The following WIPF2 variants were observed in gnomAD, a reference collection of about 807,000 sequenced individuals.
WIPF2 encodes the protein WAS/WASL-interacting protein family member 2.
WIPF2 carries 23 observed loss-of-function variants against 38.8 expected under a neutral mutation model. That is an observed-to-expected ratio of 0.59 (90% CI 0.43 to 0.84). The LOEUF (loss-of-function observed/expected upper bound fraction) is 0.84. Among genes scored for constraint, WIPF2 ranks in the 40% least tolerant of loss-of-function variants. The pLI is 0.00. For synonymous variants in WIPF2, 210 were observed against 223.2 expected (o/e 0.94, Z 0.53); for missense variants, 574 against 580.5 (o/e 0.99, Z 0.11).
At chr17:40,244,089 C>CT (rs1309329949) in intron 1 of WIPF2, among the ~76,000 whole-genome samples, 1 of 151,974 alleles carries the variant, frequency 6.6e-6, no homozygotes. Context: ...TAGAAAAAGC[C>CT]TTTTTTTGGA....
At chr17:40,235,495 C>G (rs559591841) in intron 1 of WIPF2, among the ~76,000 whole-genome samples, 1 of 151,148 alleles carries the variant, frequency 6.6e-6, no homozygotes, top group South Asian at 2.1e-4. Flanking sequence ...GTATAAACCT[C>G]TTCTCATCAT....
At position 40,265,415 on chromosome 17, in the gene WIPF2, C is replaced by T. The variant is rs1022825095; in HGVS notation, c.970+269C>T. Among the ~76,000 whole-genome samples, 7 of 152,110 alleles carry T rather than the reference C, an allele frequency of 4.6e-5. 1 individual carries two copies. In the South Asian group the frequency reaches 1.2e-3, roughly 27 times the overall value. ...AGGAGAGGAATAAGATATACTGGGG[C>T]GGAGGTCGGGATGATGATATCTTTA... On this transcript the variant is annotated intron_variant, in intron 5 of 7. Transcript: ENST00000323571.
chr17:40,250,387 T>G (rs1419549215), intron 1 of WIPF2, among the ~76,000 whole-genome samples: 1 of 150,618 alleles, frequency 6.6e-6, no homozygotes, highest in Non-Finnish European at 1.5e-5. Context: ...CCCGCTGCCA[T>G]GCCCGGCTAA....
chr17:40,245,090 A>G (rs912898577), intron 1 of WIPF2, among the ~76,000 whole-genome samples: 1 of 152,228 alleles, frequency 6.6e-6, no homozygotes, highest in African/African-American at 2.4e-5. Context: ...AGACCAGCTT[A>G]GGCAACATAG....
intron 1 of WIPF2, among the ~76,000 whole-genome samples, chr17:40,244,897 TG>T (rs1270460604): frequency 6.6e-6 from 1 of 152,174 alleles, no homozygotes; most frequent in African/African-American, 2.4e-5. Flanking sequence ...TCTCCCCCAA[TG>T]GCCCTTTCCC....
chr17:40,240,472 C>T (rs889890101), intron 1 of WIPF2, among the ~76,000 whole-genome samples: 4 of 151,708 alleles, frequency 2.6e-5, no homozygotes, highest in Non-Finnish European at 5.9e-5. Context: ...AGAAGTTCAT[C>T]TGTGGTGGGA....
rs1366091192 is a variant in WIPF2 at position 40,262,136 on chromosome 17, A to G, written c.197-389A>G. Among the ~76,000 whole-genome samples, 4 of 143,008 alleles carry G rather than the reference A, an allele frequency of 2.8e-5. No individual in the cohort carries two copies. In the East Asian group the frequency reaches 8.2e-4, roughly 29 times the overall value. 93.8% of individuals were successfully genotyped at this position (143,008 alleles called of 152,430 possible). ...CTGTCTGTTGCTCAGGCTGGAGTGC[A>G]GTGGTACGATCACAGTTCACTGCAG... On this transcript the variant is annotated intron_variant, in intron 3 of 7. Coordinates refer to ENST00000323571, the MANE Select transcript of WIPF2 (RefSeq NM_133264.5).
At chr17:40,230,500 G>C (rs191645867) in intron 1 of WIPF2, among the ~76,000 whole-genome samples, 1 of 152,042 alleles carries the variant, frequency 6.6e-6, no homozygotes, top group Admixed American at 6.6e-5. Flanking sequence ...GTTTTTATAA[G>C]AACTTTCCTG....
intron 1 of WIPF2, among the ~76,000 whole-genome samples, chr17:40,245,390 T>A (rs2031330941): frequency 6.6e-6 from 1 of 151,772 alleles, no homozygotes; most frequent in African/African-American, 2.4e-5. Flanking sequence ...TCGCCCAGGC[T>A]GGAGCGCAGT....
intron 1 of WIPF2, chr17:40,220,595 ATATATATATATATATATATATATG>A (rs1339980817): frequency 9.1e-5 from 7 of 77,038 alleles, no homozygotes; most frequent in East Asian, 5.9e-4. Flanking sequence ...ATATATATAT[ATATATATATATATATATATATATG>A]TATATATATA....
intron 1 of WIPF2, among the ~76,000 whole-genome samples, chr17:40,220,184 TCA>T (rs2030115992): frequency 6.6e-6 from 1 of 151,716 alleles, no homozygotes; most frequent in Non-Finnish European, 1.5e-5. Flanking sequence ...GCTATGTTGC[TCA>T]GACTAGTCTT....
At chr17:40,226,927 G>C (rs1048059695) in intron 1 of WIPF2, among the ~76,000 whole-genome samples, 41 of 152,076 alleles carry the variant, frequency 2.7e-4, no homozygotes, top group Admixed American at 3.9e-4. Context: ...TTTTTTAGTA[G>C]AGGTGGGGTT....
rs981938030 is a variant in WIPF2, at chr17:40,282,850, C to T, written c.*4625C>T. ...ATTGGGCAGACTCATCTATAGCTTT[C>T]TGAGGGTCTTCTCTCCTCCTCTCCA... On this transcript the variant is annotated 3_prime_UTR_variant, in exon 8 of 8. Transcript: ENST00000323571. 6.6e-6 allele frequency: 1 copy of T among 152,080 alleles called. No individual in the cohort carries two copies. The highest frequency in any genetic ancestry group is 1.5e-5 in the Non-Finnish European group (1 of 68,044). The allele number at this position is 152,080 out of a possible 1,614,324, so 9.4% of individuals were successfully genotyped here.
chr17:40,240,395 C>G (rs1201300787), intron 1 of WIPF2, among the ~76,000 whole-genome samples: 2 of 152,068 alleles, frequency 1.3e-5, no homozygotes, highest in East Asian at 3.8e-4. Context: ...CTGTTTAGCC[C>G]CTTCTACACT....
intron 5 of WIPF2, among the ~76,000 whole-genome samples, chr17:40,267,526 C>T (rs930096992): frequency 2.0e-5 from 3 of 151,964 alleles, no homozygotes; most frequent in African/African-American, 4.8e-5. Flanking sequence ...AGCTTCTTGG[C>T]CTTTATTTAT....
At chr17:40,256,350 A>T in intron 1 of WIPF2, 41 bp from the exon 2 acceptor site, 1 of 1,510,712 alleles carries the variant, frequency 6.6e-7, no homozygotes, top group Non-Finnish European at 8.8e-7. Context: ...CTTGTATCTA[A>T]TGGTAAAGCT....
At position 40,282,993 on chromosome 17, in the gene WIPF2, C is replaced by T. The variant is rs1400635294; in HGVS notation, c.*4768C>T. ...TTTGAGGTCAGGAGTTCAAGACCAG[C>T]TTGGCCAACATGGTGAAACCCCGTC... On this transcript the variant is annotated 3_prime_UTR_variant, in exon 8 of 8. Coordinates refer to ENST00000323571, the MANE Select transcript of WIPF2 (RefSeq NM_133264.5). 3.3e-5 allele frequency: 5 copies of T among 151,768 alleles called. No homozygotes were observed. Among genetic ancestry groups the T allele is most frequent in the African/African-American group, 1.2e-4 (5 of 41,290 alleles). 9.4% of individuals were successfully genotyped at this position (151,768 alleles called of 1,614,324 possible).
chr17:40,230,183 T>G (rs2030680396), intron 1 of WIPF2, among the ~76,000 whole-genome samples: 1 of 151,910 alleles, frequency 6.6e-6, no homozygotes, highest in African/African-American at 2.4e-5. Flanking sequence ...TCTATATAAT[T>G]AAAATATTAG....
intron 5 of WIPF2, among the ~76,000 whole-genome samples, chr17:40,268,656 C>G (rs774069681): frequency 6.6e-6 from 1 of 151,964 alleles, no homozygotes; most frequent in Admixed American, 6.6e-5. Context: ...GACTCAAACT[C>G]TTGGGCTCAA....
Sources: allele counts gnomAD v4.1 joint callset (sites outside exome capture counted in the v4.1 genomes callset), GRCh38; gene constraint gnomAD v4.1.1; transcripts MANE v1.5; gene names NCBI Gene and HGNC (gene_info 2026-07-23, HGNC 2026-07-21).